The following GALK2 variants were observed in gnomAD, a reference collection of about 807,000 sequenced individuals.
GALK2 encodes the protein galactokinase 2.
In GALK2, 36 loss-of-function variants were observed where a neutral mutation model predicts 52.4. The ratio of observed to expected loss-of-function variants is 0.69; its 90% CI spans 0.53 to 0.91. GALK2 has a LOEUF of 0.91. Ranked by LOEUF, GALK2 falls within the 40% of genes least tolerant of loss-of-function variation. GALK2 has a pLI of 0.00. For synonymous variants in GALK2, 176 were observed against 199.1 expected, an observed-to-expected ratio of 0.88 and a Z score of 0.98; for missense variants, 579 against 559.1, an observed-to-expected ratio of 1.04 and a Z score of -0.36.
At chr15:49,216,251 A>G (rs2089364854) in intron 2 of GALK2, among the ~76,000 whole-genome samples, 1 of 152,176 alleles carries the variant, frequency 6.6e-6, no homozygotes, top group Non-Finnish European at 1.5e-5. Flanking sequence ...TTTAGTGAGC[A>G]GGTGAATCCT....
intron 8 of GALK2, chr15:49,318,164 T>C (rs2036575186): frequency 6.6e-6 from 1 of 152,158 alleles, no homozygotes; most frequent in Non-Finnish European, 1.5e-5. Flanking sequence ...CCACACCAGC[T>C]CAGCAACTGT....
intron 8 of GALK2, among the ~76,000 whole-genome samples, chr15:49,303,241 T>C (rs1170822106): frequency 6.6e-6 from 1 of 152,226 alleles, no homozygotes; most frequent in Admixed American, 6.5e-5. Context: ...CCCTATTCAT[T>C]GGTTCACCTT....
Position 49,170,335 on chromosome 15 carries a change from A to G in GALK2, c.13A>G (p.Ser5Gly), listed in dbSNP as rs751588077. 2.3e-5 allele frequency: 37 copies of G among 1,590,876 alleles called. No homozygotes were observed. In the African/African-American group the frequency reaches 4.7e-4, roughly 20 times the overall value. MATE[S>G]PATRRVQVAE... ...GATCTAGCGAAATATGGCTACAGAG[A>G]GCCCTGCTACGCGTCGGGTCCAGGT... Residue 5 changes from serine (S) to glycine (G), a missense_variant, in exon 1 of 10, where the codon AGC becomes GGC. Coordinates refer to ENST00000560031, the MANE Select transcript of GALK2 (RefSeq NM_002044.4).
At chr15:49,236,247 C>T (rs1466766355) in intron 4 of GALK2, among the ~76,000 whole-genome samples, 5 of 152,108 alleles carry the variant, frequency 3.3e-5, no homozygotes, top group Non-Finnish European at 7.4e-5. Flanking sequence ...CTATTATTTA[C>T]ATTTATACTT....
At chr15:49,188,692 G>A (rs1280199461) in intron 1 of GALK2, among the ~76,000 whole-genome samples, 1 of 152,034 alleles carries the variant, frequency 6.6e-6, no homozygotes, top group Non-Finnish European at 1.5e-5. Flanking sequence ...ATCCCTAGAG[G>A]GTTCTATTTG....
At chr15:49,347,878 G>A (rs2041731805) in intron 3 of GALK2, among the ~76,000 whole-genome samples, 1 of 152,024 alleles carries the variant, frequency 6.6e-6, no homozygotes, top group Non-Finnish European at 1.5e-5. Context: ...AATTAGCTGG[G>A]CGTGGTGGCA....
chr15:49,204,154 C>T (rs975624417), intron 2 of GALK2, among the ~76,000 whole-genome samples: 1 of 151,122 alleles, frequency 6.6e-6, no homozygotes, highest in African/African-American at 2.4e-5. Context: ...ATGGATTTAG[C>T]TCTGGGTTCT....
At chr15:49,335,418 C>T (rs1567092212), downstream of GALK2, 4 of 1,593,358 alleles carry the variant, frequency 2.5e-6, no homozygotes, top group Non-Finnish European at 1.7e-6. Context: ...CATCAACTTA[C>T]ATCCTAAAAT....
chr15:49,297,595 T>C (rs1459631202), intron 8 of GALK2, among the ~76,000 whole-genome samples: 1 of 152,182 alleles, frequency 6.6e-6, no homozygotes, highest in African/African-American at 2.4e-5. Context: ...TACCTTGAGT[T>C]GATTTTTGTA....
intron 5 of GALK2, among the ~76,000 whole-genome samples, chr15:49,279,488 A>C (rs1459945512): frequency 1.3e-5 from 2 of 152,234 alleles, no homozygotes; most frequent in African/African-American, 4.8e-5. Flanking sequence ...CTTTGGAGTC[A>C]GGTGAGGTTC....
chr15:49,302,430 G>A (rs1053691741), intron 8 of GALK2, among the ~76,000 whole-genome samples: 5 of 152,098 alleles, frequency 3.3e-5, no homozygotes, highest in African/African-American at 1.2e-4. Context: ...ATATGCATAA[G>A]CTGTTGTGTT....
chr15:49,365,814 C>A (rs12903904), intron 3 of GALK2: 378,540 of 867,962 alleles, frequency 0.44, 84,208 homozygotes, highest in Non-Finnish European at 0.46. Context: ...CAGAGAGAAA[C>A]ATAAGTCTCA....
chr15:49,319,849 T>C, intron 9 of GALK2, 44 bp downstream of exon 9: 2 of 1,516,216 alleles, frequency 1.3e-6, no homozygotes, highest in Non-Finnish European at 1.8e-6. Flanking sequence ...TCAAATAATA[T>C]TGTTTAAATT....
Position 49,220,154 on chromosome 15 carries a change from A to G in GALK2, c.266+2841A>G, listed in dbSNP as rs1036196060. On this transcript the variant is annotated intron_variant, in intron 3 of 9. Coordinates refer to ENST00000560031, the MANE Select transcript of GALK2 (RefSeq NM_002044.4). ...TCTTCTAGGTATTTTGAAATATACA[A>G]TACATGGTTGATAACTATAGTCCCC... Among the ~76,000 whole-genome samples the G allele has an allele frequency of 2.7e-5, 4 of 150,048 alleles. 1 individual carries two copies. The highest frequency in any genetic ancestry group is 3.3e-3 in the Middle Eastern group (1 of 302).
intron 2 of GALK2, among the ~76,000 whole-genome samples, chr15:49,202,170 A>G (rs886326127): frequency 2.0e-5 from 3 of 151,804 alleles, no homozygotes; most frequent in Non-Finnish European, 2.9e-5. Context: ...TGCCTGGCTA[A>G]TTTTTTGTAT....
chr15:49,225,812 C>T (rs888562330), intron 3 of GALK2, among the ~76,000 whole-genome samples: 3 of 152,252 alleles, frequency 2.0e-5, no homozygotes, highest in Non-Finnish European at 4.4e-5. Flanking sequence ...TCTTTTGGCT[C>T]CCTTTGGCAC....
intron 1 of GALK2, among the ~76,000 whole-genome samples, chr15:49,172,645 C>G (rs1220699135): frequency 6.6e-6 from 1 of 152,108 alleles, no homozygotes. Context: ...AGTAAAGGCA[C>G]TGGTCAACCA....
At chr15:49,348,416 T>C (rs2041826697) in intron 3 of GALK2, among the ~76,000 whole-genome samples, 1 of 152,194 alleles carries the variant, frequency 6.6e-6, no homozygotes, top group South Asian at 2.1e-4. Flanking sequence ...ACTTTGAAAT[T>C]TGATATATCA....
intron 7 of GALK2, among the ~76,000 whole-genome samples, chr15:49,291,292 C>T (rs1196815092): frequency 6.6e-6 from 1 of 151,992 alleles, no homozygotes; most frequent in Non-Finnish European, 1.5e-5. Context: ...AATATACGAG[C>T]CAGGGTTTTA....
Sources: gnomAD v4.1 joint callset for allele counts (sites outside exome capture counted in the v4.1 genomes callset) on GRCh38, gnomAD v4.1.1 for gene constraint, MANE v1.5 for transcripts, NCBI Gene and HGNC (gene_info 2026-07-23, HGNC 2026-07-21) for gene names.